Variants in BRCA1 observed in about 807,000 individuals in gnomAD.
BRCA1 encodes BRCA1 DNA repair associated.
A neutral mutation model predicts 173.7 loss-of-function variants in BRCA1; 140 were observed. The observed-to-expected ratio is 0.81, with a 90% CI of 0.70 to 0.93. The LOEUF (loss-of-function observed/expected upper bound fraction) is 0.93, where lower values mean the gene tolerates loss of function less well. Among genes scored for constraint, BRCA1 ranks in the 40% least tolerant of loss-of-function variants. The probability of loss-of-function intolerance (pLI) is 0.00; values close to 1 mark genes in which losing one functional copy is unlikely to be tolerated. For synonymous variants in BRCA1, 662 were observed against 756.0 expected (o/e 0.88, Z 2.04); for missense variants, 1,983 against 2,172.5 (o/e 0.91, Z 1.73).
chr17:43,139,190 T>A (rs576855082), intron 1 of BRCA1, among the ~76,000 whole-genome samples: 17 of 146,010 alleles, frequency 1.2e-4, no homozygotes, highest in Admixed American at 2.1e-4. Flanking sequence ...TTTTTTTTTT[T>A]AAATTTATCA....
intron 3 of BRCA1, among the ~76,000 whole-genome samples, chr17:43,108,022 C>G (rs1196124805): frequency 6.6e-6 from 1 of 151,842 alleles, no homozygotes; most frequent in Non-Finnish European, 1.5e-5. Flanking sequence ...TGAAGAGACC[C>G]AGGAAAGAAA....
At chr17:43,143,572 G>A (rs1306386449) in intron 1 of BRCA1, among the ~76,000 whole-genome samples, 1 of 152,126 alleles carries the variant, frequency 6.6e-6, no homozygotes, top group South Asian at 2.1e-4. Flanking sequence ...ACCAATTCTT[G>A]TTCATTCAGA....
At chr17:43,049,051 A>G (rs2152900021) in intron 21 of BRCA1, 70 bp downstream of exon 21, 1 of 1,443,116 alleles carries the variant, frequency 6.9e-7, no homozygotes, top group South Asian at 1.2e-5. Context: ...ATAGGGACTG[A>G]CAGGTGCCAG....
intron 1 of BRCA1, among the ~76,000 whole-genome samples, chr17:43,154,403 G>C (rs1341018726): frequency 1.3e-5 from 2 of 151,880 alleles, no homozygotes; most frequent in Non-Finnish European, 2.9e-5. Flanking sequence ...AGAATCGCTT[G>C]AACCTGGGAG....
In BRCA1 at chr17:43,149,732, A is replaced by C. The variant is rs145850767; in HGVS notation, c.-20+20394T>G. Among the ~76,000 whole-genome samples, 42 of 152,296 alleles carry C rather than the reference A, an allele frequency of 2.8e-4. No homozygotes were observed. The East Asian group carries it at 7.5e-3, about 27-fold the overall frequency. On this transcript the variant is annotated intron_variant, in intron 1 of 7. Coordinates refer to the BRCA1 transcript ENST00000634433. ...TGGACAAATTTCAGAAACTGCACCA[A>C]AACTTACAAACCTCAAATCCTAGTT...
intron 1 of BRCA1, among the ~76,000 whole-genome samples, chr17:43,124,548 T>C (rs191197821): frequency 1.5e-4 from 23 of 152,242 alleles, no homozygotes; most frequent in Non-Finnish European, 3.1e-4. Flanking sequence ...CTCTGGATCC[T>C]CCTCAAGCAC....
At chr17:43,089,548 T>C (rs1216008365) in intron 11 of BRCA1, among the ~76,000 whole-genome samples, 1 of 133,472 alleles carries the variant, frequency 7.5e-6, no homozygotes, top group Non-Finnish European at 1.7e-5. Flanking sequence ...TTGTGTACTT[T>C]CTTTTTTTTT....
rs2056090332 is a variant in BRCA1, at chr17:43,143,036, ATATATATG to A, written c.-19-18929_-19-18922del. 4.0e-5 allele frequency among the ~76,000 whole-genome samples: 6 copies of A among 149,392 alleles called. No individual in the cohort carries two copies. In the South Asian group the frequency reaches 1.0e-3, roughly 26 times the overall value. On this transcript the variant is annotated intron_variant, in intron 1 of 7. Coordinates refer to the BRCA1 transcript ENST00000634433. ...TGCATATATATGTATATATGTGTGT[ATATATATG>A]TATATATGTGTATATATATATGTAT... is the stretch of plus-strand genomic sequence containing the variant.
At position 43,124,075 on chromosome 17, in the gene BRCA1, C is replaced by T. The variant is rs528902306; in HGVS notation, c.22G>A (p.Val8Ile). The T allele has an allele frequency of 2.5e-6, 4 of 1,613,604 alleles. No homozygotes were observed. In the African/African-American group the frequency reaches 4.0e-5, roughly 16 times the overall value. ...TTAATGACATTTTGTACTTCTTCAA[C>T]GCGAAGAGCAGATAAATCCATTTCT... MDLSALR[V>I]EEVQNVINAM... The change falls in exon 2 of 23, where the codon GTT becomes ATT. Residue 8 changes from valine to isoleucine, a missense_variant. Val to Ile is a conservative substitution (Grantham distance 29). Coordinates refer to ENST00000357654, the MANE Select transcript of BRCA1 (RefSeq NM_007294.4).
chr17:43,123,941 G>A, intron 2 of BRCA1, 76 bp downstream of exon 2: 2 of 1,177,342 alleles, frequency 1.7e-6, no homozygotes, highest in Non-Finnish European at 2.6e-6. Context: ...TCCCTAGTAT[G>A]TAAGGTCAAT....
rs2052920510 is a variant in BRCA1, at chr17:43,079,809, T to C, written c.4357+2595A>G. 9 of 756,750 alleles carry C rather than the reference T, an allele frequency of 1.2e-5. No individual in the cohort carries two copies. In the East Asian group the frequency reaches 2.2e-4, roughly 19 times the overall value. 46.9% of individuals were successfully genotyped at this position (756,750 alleles called of 1,614,324 possible). A position where few individuals can be genotyped will look rare whatever the true frequency, so the allele number is the denominator to read the frequency against. On this transcript the variant is annotated intron_variant, in intron 12 of 22. Coordinates refer to ENST00000357654, the MANE Select transcript of BRCA1 (RefSeq NM_007294.4). ...GTGTTAAAAAAAAAAAAAAAAGACC[T>C]TTGGACTGTAAAAAAAAAGAAAAGT...
At chr17:43,120,570 C>T (rs922882106) in intron 2 of BRCA1, among the ~76,000 whole-genome samples, 2 of 151,402 alleles carry the variant, frequency 1.3e-5, no homozygotes, top group Non-Finnish European at 2.9e-5. Context: ...TGGAGACCAT[C>T]CTGGCTAACA....
At position 43,100,670 on chromosome 17, in the gene BRCA1, A is replaced by AT. The variant is rs1282418665; in HGVS notation, c.442-791dup. Among the ~76,000 whole-genome samples, 35 of 29,110 alleles carry AT rather than the reference A, an allele frequency of 1.2e-3. 2 individuals carry two copies. The highest frequency in any genetic ancestry group is 0.022 in the Middle Eastern group (1 of 46). The allele number at this position is 29,110 out of a possible 152,430, so 19.1% of individuals were successfully genotyped here. A position where few individuals can be genotyped will look rare whatever the true frequency, so the allele number is the denominator to read the frequency against. On this transcript the variant is annotated intron_variant, in intron 6 of 22. Coordinates refer to ENST00000357654, the MANE Select transcript of BRCA1 (RefSeq NM_007294.4). Reference sequence around the variant, plus strand: ...ACATATATATAACATATATATATATATATATATAATATATATATATATATA... The same window carrying AT: ...ACATATATATAACATATATATATATATTATATATAATATATATATATATATA...
intron 1 of BRCA1, among the ~76,000 whole-genome samples, chr17:43,150,855 C>T (rs929697395): frequency 6.6e-5 from 10 of 152,294 alleles, no homozygotes; most frequent in East Asian, 3.9e-4. Context: ...AAGAGTCTCT[C>T]AGTTTTAGTA....
rs754597283 is a variant in BRCA1 at position 43,092,293 on chromosome 17, A to G, written c.3238T>C (p.Leu1080=). The G allele has an allele frequency of 1.2e-5, 20 of 1,613,774 alleles. No homozygotes were observed. Among genetic ancestry groups the G allele is most frequent in the South Asian group, 5.5e-5 (5 of 91,080 alleles). The part of the protein sequence containing the change: ...AELGRNRGPK[L]NAMLRLGVLQ... ...ACCCCTAATCTAAGCATAGCATTCA[A>G]TTTTGGCCCTCTGTTTCTACCTAGT... The change falls in exon 10 of 23, where the codon TTG becomes CTG. Residue 1080 remains leucine (L), a synonymous_variant. Transcript: ENST00000357654.
intron 1 of BRCA1, chr17:43,159,738 C>G (rs2056223204): frequency 5.8e-6 from 1 of 171,074 alleles, no homozygotes. Flanking sequence ...CTAGGAAAAC[C>G]AGAGACCTTT....
chr17:43,123,889 C>T (rs1174450314), intron 2 of BRCA1, 128 bp downstream of exon 2: 5 of 748,460 alleles, frequency 6.7e-6, no homozygotes, highest in Non-Finnish European at 1.2e-5. Context: ...TTAAGAAAAT[C>T]AGCAATTACA....
At chr17:43,075,518 C>T (rs2052670137) in intron 13 of BRCA1, among the ~76,000 whole-genome samples, 1 of 151,850 alleles carries the variant, frequency 6.6e-6, no homozygotes, top group Non-Finnish European at 1.5e-5. Flanking sequence ...AAGGCTAGGC[C>T]CCCTGGATTG....
rs80358086 is a variant in BRCA1 at position 43,070,922 on chromosome 17, A to G, written c.4986+6T>C. The G allele has an allele frequency of 1.9e-6, 3 of 1,613,934 alleles. No homozygotes were observed. The highest frequency in any genetic ancestry group is 2.7e-5 in the African/African-American group (2 of 74,924). ...TCATTAGGGAGATACATATGGATAC[A>G]CTCACAAATTCTTCTGGGGTCAGGC... On this transcript the variant is annotated splice_donor_region_variant and intron_variant, in intron 15 of 22. Coordinates refer to ENST00000357654, the MANE Select transcript of BRCA1 (RefSeq NM_007294.4).
Sources: gnomAD v4.1 joint callset for allele counts (sites outside exome capture counted in the v4.1 genomes callset) on GRCh38, gnomAD v4.1.1 for gene constraint, MANE v1.5 for transcripts, NCBI Gene and HGNC (gene_info 2026-07-23, HGNC 2026-07-21) for gene names.